CKAP5: variants seen among roughly 807,000 people sequenced by gnomAD.
CKAP5 encodes cytoskeleton associated protein 5.
In CKAP5, 27 loss-of-function variants were observed where a neutral mutation model predicts 232.8. That is an observed-to-expected ratio of 0.12 (90% CI 0.09 to 0.16). The LOEUF is 0.16. Ranked by LOEUF, CKAP5 falls within the 10% of genes least tolerant of loss-of-function variation. The probability of loss-of-function intolerance (pLI) is 1.00; values close to 1 mark genes in which losing one functional copy is unlikely to be tolerated. For missense variants in CKAP5, 1,838 were observed against 2,424.7 expected (o/e 0.76, Z 5.08); for synonymous variants, 785 against 841.1 (o/e 0.93, Z 1.16).
chr11:46,789,385 C>T (rs2134637082), intron 15 of CKAP5, among the ~76,000 whole-genome samples: 1 of 152,276 alleles, frequency 6.6e-6, no homozygotes, highest in South Asian at 2.1e-4. Context: ...AATGTCCATT[C>T]TACCAAGGAA....
At chr11:46,822,998 C>T (rs563549556) in intron 1 of CKAP5, among the ~76,000 whole-genome samples, 3 of 152,186 alleles carry the variant, frequency 2.0e-5, no homozygotes, top group South Asian at 2.1e-4. Flanking sequence ...CTTGCTCTGT[C>T]GTCCAGGCTG....
At chr11:46,763,761 T>A in intron 28 of CKAP5, 131 bp from the exon 29 acceptor site, 1 of 547,488 alleles carries the variant, frequency 1.8e-6, no homozygotes, top group Non-Finnish European at 2.9e-6. Flanking sequence ...TAATTAAATA[T>A]GAATGCAAAT....
intron 42 of CKAP5, 100 bp downstream of exon 42, chr11:46,750,171 GTAT>G: frequency 8.8e-7 from 1 of 1,140,912 alleles, no homozygotes; most frequent in East Asian, 2.4e-5. Flanking sequence ...TGACCATTAA[GTAT>G]TGAGGTTCAT....
Position 46,789,128 on chromosome 11 carries a change from A to C in CKAP5, c.1876-355T>G, listed in dbSNP as rs1333286616. 2.6e-5 allele frequency among the ~76,000 whole-genome samples: 4 copies of C among 152,222 alleles called. No homozygotes were observed. In the East Asian group the frequency reaches 7.7e-4, roughly 29 times the overall value. ...GCTTATATGTATTTTCTCTTCCTTG[A>C]TTTTCCTAAAAACAGCAAAGCAGAA... On this transcript the variant is annotated intron_variant, in intron 15 of 43. Coordinates refer to ENST00000529230, the MANE Select transcript of CKAP5 (RefSeq NM_001008938.4).
In CKAP5 at chr11:46,754,880, G is replaced by A; in HGVS notation, c.4869+8C>T. The stretch of plus-strand genomic sequence containing the variant: ...TGGGAAGCTGAAATTCTGCAGAGGT[G>A]CCCTTACCGAAATCATGTTGCCAAT... On this transcript the variant is annotated splice_region_variant and intron_variant, in intron 36 of 43. Coordinates refer to ENST00000529230, the MANE Select transcript of CKAP5 (RefSeq NM_001008938.4). 1 of 1,609,770 alleles carries A rather than the reference G, an allele frequency of 6.2e-7. No homozygotes were observed.
At chr11:46,842,694 G>A (rs959343418) in intron 1 of CKAP5, among the ~76,000 whole-genome samples, 206 of 152,266 alleles carry the variant, frequency 1.4e-3, no homozygotes, top group African/African-American at 4.6e-3. Flanking sequence ...TAGGCCGGGC[G>A]CGGTGGCTCA....
intron 16 of CKAP5, 91 bp from the exon 17 acceptor site, chr11:46,784,764 G>T: frequency 1.2e-6 from 1 of 859,398 alleles, no homozygotes; most frequent in Non-Finnish European, 1.8e-6. Flanking sequence ...ATATGACATG[G>T]TTAGGGACAG....
chr11:46,781,938 G>T (rs180947918), intron 18 of CKAP5, among the ~76,000 whole-genome samples: 3 of 152,216 alleles, frequency 2.0e-5, no homozygotes, highest in Admixed American at 6.5e-5. Context: ...TGATTCTCCT[G>T]CCTCAGCCTC....
rs1162892871 is a variant in CKAP5 at position 46,749,456 on chromosome 11, A to AG, written c.5704+817dup. Among the ~76,000 whole-genome samples the AG allele has an allele frequency of 3.8e-5, 5 of 132,862 alleles. No individual in the cohort carries two copies. The South Asian group carries it at 7.6e-4, about 20-fold the overall frequency. The allele number at this position is 132,862 out of a possible 152,430, so 87.2% of individuals were successfully genotyped here. ...GGTGACAGGGTGAGACTCCGTCTCA[A>AG]GAAAAAAAAAAAAAAAAAAAAAATC... On this transcript the variant is annotated intron_variant, in intron 42 of 43. Coordinates refer to ENST00000529230, the MANE Select transcript of CKAP5 (RefSeq NM_001008938.4).
rs2065236985 is a variant in CKAP5 at position 46,770,342 on chromosome 11, A to T, written c.3187-244T>A. ...GAGGTCAGCAGATTTTTACTTCTAC[A>T]CTGCTTAATATTTTATTTTTGCTTG... On this transcript the variant is annotated intron_variant, in intron 25 of 43. Transcript: ENST00000529230. 5 of 501,096 alleles carry T rather than the reference A, an allele frequency of 1.0e-5. No individual in the cohort carries two copies. The East Asian group carries it at 1.7e-4, about 17-fold the overall frequency. The allele number at this position is 501,096 out of a possible 1,614,324, so 31.0% of individuals were successfully genotyped here. A position where few individuals can be genotyped will look rare whatever the true frequency, so the allele number is the denominator to read the frequency against.
At chr11:46,786,830 TAC>T (rs2065398561) in intron 16 of CKAP5, among the ~76,000 whole-genome samples, 1 of 151,996 alleles carries the variant, frequency 6.6e-6, no homozygotes, top group Non-Finnish European at 1.5e-5. Context: ...CACACAAACA[TAC>T]ACACCTTCCC....
At chr11:46,808,961 T>A (rs1388953422) in intron 7 of CKAP5, among the ~76,000 whole-genome samples, 1 of 152,214 alleles carries the variant, frequency 6.6e-6, no homozygotes, top group Non-Finnish European at 1.5e-5. Flanking sequence ...TTGATTGTCA[T>A]GACTTAGGGA....
rs763046677 is a variant in CKAP5, at chr11:46,751,325, C to T, written c.5322+21G>A. 3 of 1,613,782 alleles carry T rather than the reference C, an allele frequency of 1.9e-6. No individual in the cohort carries two copies. The African/African-American group carries it at 4.0e-5, about 22-fold the overall frequency. Reference sequence around the variant, plus strand: ...ATTTTCTCTCAAGCTCCCTCAGAGACCAGTTGCGATTCTTACTCACCTTGG... The same window carrying T: ...ATTTTCTCTCAAGCTCCCTCAGAGATCAGTTGCGATTCTTACTCACCTTGG... On this transcript the variant is annotated intron_variant, in intron 39 of 43. Transcript: ENST00000529230.
At chr11:46,805,517 TCTTTTTTCCATTTCACCATTTCCCCA>T (rs1452346992) in intron 8 of CKAP5, among the ~76,000 whole-genome samples, 18 of 152,354 alleles carry the variant, frequency 1.2e-4, no homozygotes, top group East Asian at 7.7e-4. Context: ...AATCTCATCC[TCTTTTTTCCATTTCACCATTTCCCCA>T]CTTTTTTCCA....
rs753973434 is a variant in CKAP5 at position 46,816,323 on chromosome 11, C to G, written c.333G>C (p.Glu111Asp). ...PKAKAKELGI[E>D]ICLMYIEIEK... ...CAATCTCTATGTACATAAGACAGATCTCTATGCCCAGCTCCTTGGCTTTAG... is the reference window on the plus strand; with the variant it reads ...CAATCTCTATGTACATAAGACAGATGTCTATGCCCAGCTCCTTGGCTTTAG... The change falls in exon 4 of 44, where the codon GAG (glutamate) becomes GAC (aspartate). Residue 111 changes from glutamate to aspartate, a missense_variant. Transcript: ENST00000529230. 1 of 1,614,134 alleles carries G rather than the reference C, an allele frequency of 6.2e-7. No individual in the cohort carries two copies. Among genetic ancestry groups the G allele is most frequent in the Non-Finnish European group, 8.5e-7 (1 of 1,180,010 alleles).
chr11:46,817,713 G>C (rs1218008835), intron 3 of CKAP5, among the ~76,000 whole-genome samples: 3 of 151,876 alleles, frequency 2.0e-5, no homozygotes, highest in African/African-American at 4.8e-5. Context: ...ATGACACAGA[G>C]ACTAGAGTTA....
intron 9 of CKAP5, 144 bp from the exon 10 acceptor site, chr11:46,798,316 T>C: frequency 1.5e-6 from 1 of 653,520 alleles, no homozygotes. Flanking sequence ...GACTCATGCC[T>C]GTAATCCCAG....
rs916648711 is a variant in CKAP5 at position 46,764,999 on chromosome 11, A to G, written c.3537+132T>C. ...AGGAATTAATGCTCCCATAAACTAA[A>G]TAATATAATTTATAAGCAAAAGAAA... On this transcript the variant is annotated intron_variant, in intron 28 of 43. Transcript: ENST00000529230. 69 of 720,352 alleles carry G rather than the reference A, an allele frequency of 9.6e-5. No individual in the cohort carries two copies. The African/African-American group carries it at 1.3e-3, about 13-fold the overall frequency. 44.6% of individuals were successfully genotyped at this position (720,352 alleles called of 1,614,324 possible). A position where few individuals can be genotyped will look rare whatever the true frequency, so the allele number is the denominator to read the frequency against.
chr11:46,787,537 A>T (rs917071012), intron 16 of CKAP5, among the ~76,000 whole-genome samples: 1 of 152,170 alleles, frequency 6.6e-6, no homozygotes, highest in Admixed American at 6.5e-5. Context: ...CTCTATTATC[A>T]GTTAATGGGG....
Sources: gnomAD v4.1 joint callset for allele counts (sites outside exome capture counted in the v4.1 genomes callset) on GRCh38, gnomAD v4.1.1 for gene constraint, MANE v1.5 for transcripts, NCBI Gene and HGNC (gene_info 2026-07-23, HGNC 2026-07-21) for gene names.